UHRF2: variants seen among roughly 807,000 people sequenced by gnomAD.
UHRF2 encodes the protein ubiquitin like with PHD and ring finger domains 2, also known as E3 ubiquitin-protein ligase UHRF2.
In UHRF2, 23 loss-of-function variants were observed where a neutral mutation model predicts 96.8. The ratio of observed to expected loss-of-function variants is 0.24; its 90% CI spans 0.17 to 0.34. The LOEUF is 0.34. Ranked by LOEUF, UHRF2 falls within the 10% of genes least tolerant of loss-of-function variation. UHRF2 has a pLI of 1.00. For missense variants in UHRF2, 685 were observed against 981.5 expected, an observed-to-expected ratio of 0.70 and a Z score of 4.04; for synonymous variants, 385 against 332.6, an observed-to-expected ratio of 1.16 and a Z score of -1.72.
intron 2 of UHRF2, 33 bp downstream of exon 2, chr9:6,421,175 G>C: frequency 6.9e-7 from 1 of 1,455,004 alleles, no homozygotes; most frequent in Non-Finnish European, 9.4e-7. Context: ...ACTGTTGTGA[G>C]AATACAAATA....
intron 3 of UHRF2, 184 bp downstream of exon 3, chr9:6,434,357 C>G (rs1366374270): frequency 1.6e-6 from 1 of 633,376 alleles, no homozygotes; most frequent in Non-Finnish European, 2.6e-6. Flanking sequence ...TCGATTATCT[C>G]TGGTTCTTAA....
In UHRF2 at chr9:6,474,630, C is replaced by T. The variant is rs1480386420; in HGVS notation, c.864-761C>T. Among the ~76,000 whole-genome samples, 4 of 152,178 alleles carry T rather than the reference C, an allele frequency of 2.6e-5. No homozygotes were observed. The South Asian group carries it at 8.3e-4, about 31-fold the overall frequency. On this transcript the variant is annotated intron_variant, in intron 4 of 15. Coordinates refer to ENST00000276893, the MANE Select transcript of UHRF2 (RefSeq NM_152896.3). ...CTGAGGCAGGAGAATTGCCTGAATA[C>T]AGGAGGTGGAGACTACAGTGAGCCA...
Position 6,481,780 on chromosome 9 carries a change from T to C in UHRF2, c.1284+14T>C, listed in dbSNP as rs1013339431. On this transcript the variant is annotated intron_variant, in intron 7 of 15. Coordinates refer to ENST00000276893, the MANE Select transcript of UHRF2 (RefSeq NM_152896.3). ...GACTGGGGCAGGGTAAAGAAGAAAT[T>C]CCCCTTTTCTTCCTAATAGCAAGTT... 1 of 1,600,180 alleles carries C rather than the reference T, an allele frequency of 6.2e-7. No homozygotes were observed. The highest frequency in any genetic ancestry group is 8.5e-7 in the Non-Finnish European group (1 of 1,176,464).
intron 1 of UHRF2, 197 bp downstream of exon 1, chr9:6,413,840 C>T: frequency 1.7e-6 from 1 of 574,932 alleles, no homozygotes. Flanking sequence ...CTGCCAGCCC[C>T]AACTGGAGGT....
chr9:6,442,030 A>G (rs1324892834), intron 3 of UHRF2, among the ~76,000 whole-genome samples: 1 of 152,094 alleles, frequency 6.6e-6, no homozygotes, highest in African/African-American at 2.4e-5. Context: ...CAGTGGCACG[A>G]TCTTGGCTCA....
At chr9:6,443,387 A>G (rs1415749520) in intron 3 of UHRF2, among the ~76,000 whole-genome samples, 3 of 152,226 alleles carry the variant, frequency 2.0e-5, no homozygotes, top group African/African-American at 7.2e-5. Context: ...ACTGAGGTTT[A>G]AAGAAGTAAC....
At chr9:6,482,199 T>A (rs1310073096) in intron 8 of UHRF2, 100 bp downstream of exon 8, 1 of 950,600 alleles carries the variant, frequency 1.1e-6, no homozygotes, top group Non-Finnish European at 1.7e-6. Context: ...CACATGACAT[T>A]CACTTGTTAG....
At chr9:6,433,561 A>C (rs746692099) in intron 2 of UHRF2, among the ~76,000 whole-genome samples, 1 of 152,234 alleles carries the variant, frequency 6.6e-6, no homozygotes, top group Non-Finnish European at 1.5e-5. Flanking sequence ...ATATTAGCTT[A>C]AAGTCCTGGC....
intron 2 of UHRF2, among the ~76,000 whole-genome samples, chr9:6,428,089 G>A (rs929528904): frequency 6.6e-6 from 1 of 152,210 alleles, no homozygotes; most frequent in African/African-American, 2.4e-5. Context: ...CAGTTTAGCT[G>A]AGCATGTGGC....
intron 1 of UHRF2, among the ~76,000 whole-genome samples, chr9:6,416,221 T>C (rs1429860105): frequency 1.3e-5 from 2 of 151,812 alleles, no homozygotes; most frequent in African/African-American, 4.8e-5. Context: ...GCGCCACCAC[T>C]CCCGGCAAAT....
intron 2 of UHRF2, among the ~76,000 whole-genome samples, chr9:6,423,319 A>G (rs1268720173): frequency 2.0e-5 from 3 of 152,224 alleles, no homozygotes; most frequent in Non-Finnish European, 4.4e-5. Context: ...AAAGCTTCCT[A>G]TTGCTTTATA....
intron 3 of UHRF2, among the ~76,000 whole-genome samples, chr9:6,444,102 G>A (rs1158940560): frequency 6.6e-6 from 1 of 152,190 alleles, no homozygotes; most frequent in East Asian, 1.9e-4. Flanking sequence ...AGTGTCAAAT[G>A]TAATTATTTC....
chr9:6,502,938 G>C (rs1484920022), intron 14 of UHRF2, among the ~76,000 whole-genome samples: 1 of 152,120 alleles, frequency 6.6e-6, no homozygotes, highest in African/African-American at 2.4e-5. Flanking sequence ...GTTAATATGA[G>C]ACATCTTTTG....
chr9:6,421,478 G>A (rs1450752652), intron 2 of UHRF2, among the ~76,000 whole-genome samples: 4 of 152,202 alleles, frequency 2.6e-5, no homozygotes, highest in African/African-American at 4.8e-5. Context: ...AGTGGCGCAC[G>A]CAATCTTGGC....
chr9:6,487,773 A>G (rs1824397683), intron 9 of UHRF2, among the ~76,000 whole-genome samples: 1 of 152,230 alleles, frequency 6.6e-6, no homozygotes, highest in East Asian at 1.9e-4. Flanking sequence ...AACTGCTGGG[A>G]TTATAGGCGT....
chr9:6,453,916 A>G lies in UHRF2; in HGVS notation c.645-6657A>G, dbSNP rs148260226. On this transcript the variant is annotated intron_variant, in intron 3 of 15. Coordinates refer to ENST00000276893, the MANE Select transcript of UHRF2 (RefSeq NM_152896.3). ...TAAGACTCCGTCTCAAAAAAAGAAAAAAAGTAGGGATTGAAATGGAGAAGA... is the reference window on the plus strand; with the variant it reads ...TAAGACTCCGTCTCAAAAAAAGAAAGAAAGTAGGGATTGAAATGGAGAAGA... 5.3e-5 allele frequency among the ~76,000 whole-genome samples: 8 copies of G among 152,270 alleles called. No individual in the cohort carries two copies. The East Asian group carries it at 1.5e-3, about 29-fold the overall frequency.
intron 4 of UHRF2, among the ~76,000 whole-genome samples, chr9:6,461,027 G>T (rs954474467): frequency 6.6e-6 from 1 of 152,176 alleles, no homozygotes; most frequent in Non-Finnish European, 1.5e-5. Context: ...AAATAACTGA[G>T]TGTTTTATTA....
Position 6,506,892 on chromosome 9 carries a change from C to A in UHRF2, c.*713C>A, listed in dbSNP as rs186508441. On this transcript the variant is annotated 3_prime_UTR_variant, in exon 16 of 16. Transcript: ENST00000276893. ...CATGAAAATCCACTTCTCTACTAGTCGAACTGCTTTTAGTGTCTCACCAGT... is the reference window on the plus strand; with the variant it reads ...CATGAAAATCCACTTCTCTACTAGTAGAACTGCTTTTAGTGTCTCACCAGT... 1.3e-5 allele frequency: 2 copies of A among 152,702 alleles called. No homozygotes were observed. 9.5% of individuals were successfully genotyped at this position (152,702 alleles called of 1,614,324 possible).
intron 5 of UHRF2, among the ~76,000 whole-genome samples, chr9:6,475,930 A>G (rs1563788917): frequency 6.6e-6 from 1 of 152,114 alleles, no homozygotes; most frequent in African/African-American, 2.4e-5. Flanking sequence ...ACATACAGTA[A>G]ATGTTAACTG....
Sources: allele counts gnomAD v4.1 joint callset (sites outside exome capture counted in the v4.1 genomes callset), GRCh38; gene constraint gnomAD v4.1.1; transcripts MANE v1.5; gene names NCBI Gene and HGNC (gene_info 2026-07-23, HGNC 2026-07-21).